The following POGK variants were observed in gnomAD, a reference collection of about 807,000 sequenced individuals.
The protein encoded by POGK is pogo transposable element with KRAB domain.
In POGK, 16 loss-of-function variants were observed where a neutral mutation model predicts 54.4. The observed-to-expected ratio is 0.29, with a 90% CI of 0.20 to 0.45. The LOEUF is 0.45. POGK is among the 20% of genes least tolerant of loss of function. The pLI is 1.00. For synonymous variants in POGK, 271 were observed against 302.2 expected (o/e 0.90, Z 1.07); for missense variants, 515 against 795.6 (o/e 0.65, Z 4.24).
chr1:166,839,585 C>G lies in POGK; in HGVS notation c.-22C>G, dbSNP rs994812586. ...GAGCCCTCGCGTCCCCACCCCGCGC[C>G]CTGGCCGCTGGGCCCGGCGGTGAGT... On this transcript the variant is annotated 5_prime_UTR_variant, in exon 1 of 6. Transcript: ENST00000367876. 6.7e-6 allele frequency: 1 copy of G among 149,350 alleles called. No individual in the cohort carries two copies. The highest frequency in any genetic ancestry group is 1.5e-5 in the Non-Finnish European group (1 of 67,078). The allele number at this position is 149,350 out of a possible 1,614,324, so 9.3% of individuals were successfully genotyped here.
At chr1:166,850,558 A>T (rs912333825) in intron 5 of POGK, 135 bp downstream of exon 5, 33 of 919,160 alleles carry the variant, frequency 3.6e-5, no homozygotes, top group Admixed American at 7.3e-5. Context: ...GGGGTCCCCA[A>T]CCCCCAGGTC....
In POGK at chr1:166,850,337, C is replaced by T. The variant is rs145664155; in HGVS notation, c.1758C>T (p.Ile586=). The T allele has an allele frequency of 7.4e-6, 12 of 1,612,894 alleles. No individual in the cohort carries two copies. The African/African-American group carries it at 1.5e-4, about 20-fold the overall frequency. ...AGGAAGACGATGTCCTGTGGGAAAT[C>T]GAGAGTGAGTTGCCAGGAGGAGGAG... ...LEEEDDVLWE[I]ESELPGGGEP... Residue 586 remains isoleucine (I), a synonymous_variant, in exon 5 of 6, where the codon ATC becomes ATT. Transcript: ENST00000367876.
chr1:166,844,585 AT>A (rs1209206108), intron 2 of POGK, among the ~76,000 whole-genome samples: 2 of 152,220 alleles, frequency 1.3e-5, no homozygotes, highest in Non-Finnish European at 2.9e-5. Context: ...AAATTTAATG[AT>A]TCTTTGAAAC....
chr1:166,849,594 C>G lies in POGK; in HGVS notation c.1015C>G (p.Leu339Val). The stretch of plus-strand genomic sequence containing the variant: ...CCTGCCGGAAGACCTGACTGAGAAA[C>G]TCGTCACTTACCAGCGCAGTGTCCT... ...QHLPEDLTEK[L>V]VTYQRSVLAL... Residue 339 changes from leucine to valine, a missense_variant, in exon 5 of 6, where the codon CTC (leucine) becomes GTC (valine). Physicochemically the swap from Leu to Val is conservative, Grantham distance 32 (BLOSUM62 1). Coordinates refer to ENST00000367876, the MANE Select transcript of POGK (RefSeq NM_017542.5). 5 of 1,614,284 alleles carry G rather than the reference C, an allele frequency of 3.1e-6. No homozygotes were observed. Among genetic ancestry groups the G allele is most frequent in the Non-Finnish European group, 4.2e-6 (5 of 1,180,054 alleles).
At chr1:166,841,171 G>T in intron 2 of POGK, 83 bp downstream of exon 2, 1 of 1,541,598 alleles carries the variant, frequency 6.5e-7, no homozygotes, top group Non-Finnish European at 8.7e-7. Context: ...TCCTCAGACA[G>T]ACGTGGGAAG....
rs1450726383 is a variant in POGK, at chr1:166,841,065, C to A, written c.109C>A (p.Arg37=). The part of the protein sequence containing the change: ...EDGPADMQKV[R]ICSEGGWVPA... The stretch of plus-strand genomic sequence containing the variant: ...CGGCCCGGCAGACATGCAGAAAGTA[C>A]GAATCTGCTCTGAGGGCGGATGGGT... Residue 37 remains arginine, a synonymous_variant, in exon 2 of 6, where the codon CGA becomes AGA. Coordinates refer to ENST00000367876, the MANE Select transcript of POGK (RefSeq NM_017542.5). 2.5e-6 allele frequency: 4 copies of A among 1,613,926 alleles called. No homozygotes were observed. In the South Asian group the frequency reaches 3.3e-5, roughly 13 times the overall value.
In POGK at chr1:166,849,936, G is replaced by T; in HGVS notation, c.1357G>T (p.Val453Leu). ...EDLMQDWLEVVWRRRTGAVPK... is the reference protein window; with the variant it reads ...EDLMQDWLEVLWRRRTGAVPK... ...CTTGATGCAGGACTGGTTGGAAGTG[G>T]TGTGGAGACGGAGGACAGGAGCAGT... The change falls in exon 5 of 6, where the codon GTG (valine) becomes TTG (leucine). Residue 453 changes from valine (V) to leucine (L), a missense_variant. Val to Leu is a conservative substitution (Grantham distance 32). Coordinates refer to ENST00000367876, the MANE Select transcript of POGK (RefSeq NM_017542.5). 1 of 1,614,248 alleles carries T rather than the reference G, an allele frequency of 6.2e-7. No homozygotes were observed. Among genetic ancestry groups the T allele is most frequent in the Non-Finnish European group, 8.5e-7 (1 of 1,180,044 alleles).
chr1:166,844,250 C>A (rs1213637288), intron 2 of POGK, among the ~76,000 whole-genome samples: 1 of 152,138 alleles, frequency 6.6e-6, no homozygotes, highest in Non-Finnish European at 1.5e-5. Context: ...TATGTTACCC[C>A]CCCTAAGAGT....
rs1299174021 is a variant in POGK at position 166,853,370 on chromosome 1, TGTTTCTCA to T, written c.*802_*809del. ...GGGCAGGATTTCGTATGCAAGCTCT[TGTTTCTCA>T]GGCTGCCTGCAGAAGAAGTCGCTAT... On this transcript the variant is annotated 3_prime_UTR_variant, in exon 6 of 6. Coordinates refer to ENST00000367876, the MANE Select transcript of POGK (RefSeq NM_017542.5). The T allele has an allele frequency of 6.5e-6, 1 of 152,674 alleles. No homozygotes were observed. The highest frequency in any genetic ancestry group is 1.5e-5 in the Non-Finnish European group (1 of 68,038). 9.5% of individuals were successfully genotyped at this position (152,674 alleles called of 1,614,324 possible). A position where few individuals can be genotyped will look rare whatever the true frequency, so the allele number is the denominator to read the frequency against.
chr1:166,852,203 C>G (rs1658097212), intron 5 of POGK: 1 of 152,154 alleles, frequency 6.6e-6, no homozygotes, highest in Admixed American at 6.5e-5. Flanking sequence ...CTTCATTTAC[C>G]TTTTGCTTTT....
chr1:166,842,145 T>A (rs1657543319), intron 2 of POGK, among the ~76,000 whole-genome samples: 1 of 152,210 alleles, frequency 6.6e-6, no homozygotes, highest in African/African-American at 2.4e-5. Context: ...CAGGTCTATT[T>A]AGCCTGGAAC....
In POGK at chr1:166,855,186, A is replaced by C. The variant is rs1332193621; in HGVS notation, c.*2616A>C. Reference sequence around the variant, plus strand: ...ATTCAGAACAACAAAAGAACATGCTAAGCGAGTCCTCCCACCTGCCTGGTA... The same window carrying C: ...ATTCAGAACAACAAAAGAACATGCTCAGCGAGTCCTCCCACCTGCCTGGTA... On this transcript the variant is annotated 3_prime_UTR_variant, in exon 6 of 6. Transcript: ENST00000367876. 7 of 152,316 alleles carry C rather than the reference A, an allele frequency of 4.6e-5. No homozygotes were observed. The East Asian group carries it at 1.2e-3, about 25-fold the overall frequency. The allele number at this position is 152,316 out of a possible 1,614,324, so 9.4% of individuals were successfully genotyped here. A position where few individuals can be genotyped will look rare whatever the true frequency, so the allele number is the denominator to read the frequency against.
At chr1:166,850,551 G>GT in intron 5 of POGK, 128 bp downstream of exon 5, 1 of 1,044,604 alleles carries the variant, frequency 9.6e-7, no homozygotes, top group Non-Finnish European at 1.3e-6. Flanking sequence ...TAGATCAGGG[G>GT]TCCCCAACCC....
At chr1:166,848,284 G>T (rs1289758174) in intron 4 of POGK, among the ~76,000 whole-genome samples, 3 of 152,106 alleles carry the variant, frequency 2.0e-5, no homozygotes, top group Non-Finnish European at 4.4e-5. Flanking sequence ...TTTCTTAATG[G>T]CACATAATGA....
At chr1:166,839,696 GC>G (rs1657391738) in intron 1 of POGK, 92 bp downstream of exon 1, 1 of 140,784 alleles carries the variant, frequency 7.1e-6, no homozygotes, top group Admixed American at 6.9e-5. Flanking sequence ...CGCCGAGGCT[GC>G]GCCGCCGCCG....
In POGK at chr1:166,849,889, G is replaced by A. The variant is rs765765851; in HGVS notation, c.1310G>A (p.Arg437Gln). 1 of 1,614,242 alleles carries A rather than the reference G, an allele frequency of 6.2e-7. No homozygotes were observed. Among genetic ancestry groups the A allele is most frequent in the South Asian group, 1.1e-5 (1 of 91,078 alleles). ...FPSGMEIRCH[R>Q]YGWMTEDLMQ... is the part of the protein sequence containing the mutation. The stretch of plus-strand genomic sequence containing the variant: ...AGTGGGATGGAAATTCGCTGCCACC[G>A]GTATGGGTGGATGACTGAAGACTTG... Residue 437 changes from arginine (R) to glutamine (Q), a missense_variant, in exon 5 of 6, where the codon CGG (arginine) becomes CAG (glutamine). Coordinates refer to ENST00000367876, the MANE Select transcript of POGK (RefSeq NM_017542.5).
At chr1:166,846,858 T>C in intron 3 of POGK, 120 bp downstream of exon 3, 1 of 1,328,078 alleles carries the variant, frequency 7.5e-7, no homozygotes. Context: ...GCCTCCTCAA[T>C]GTCTGTGCCC....
intron 2 of POGK, among the ~76,000 whole-genome samples, chr1:166,842,932 A>G (rs933326771): frequency 6.6e-6 from 1 of 152,198 alleles, no homozygotes; most frequent in African/African-American, 2.4e-5. Flanking sequence ...GCTCTAGAGC[A>G]TTAGAAGAAA....
At chr1:166,851,935 G>C (rs1286802774) in intron 5 of POGK, 1 of 152,126 alleles carries the variant, frequency 6.6e-6, no homozygotes, top group Non-Finnish European at 1.5e-5. Flanking sequence ...GTTTCAAAGA[G>C]TGACTTATGT....
Sources: allele counts gnomAD v4.1 joint callset (sites outside exome capture counted in the v4.1 genomes callset), GRCh38; gene constraint gnomAD v4.1.1; transcripts MANE v1.5; gene names NCBI Gene and HGNC (gene_info 2026-07-23, HGNC 2026-07-21).